Variants in ZFHX3 observed in about 807,000 individuals in gnomAD.
ZFHX3 encodes zinc finger homeobox protein 3.
In ZFHX3, 42 loss-of-function variants were observed where a neutral mutation model predicts 279.1. The ratio of observed to expected loss-of-function variants is 0.15; its 90% CI spans 0.12 to 0.19. The LOEUF (loss-of-function observed/expected upper bound fraction) is 0.19, where lower values mean the gene tolerates loss of function less well. Among genes scored for constraint, ZFHX3 ranks in the 10% least tolerant of loss-of-function variants. The pLI, the probability that ZFHX3 is intolerant of heterozygous loss-of-function variation, is 1.00. For missense variants in ZFHX3, 4,981 were observed against 4,754.0 expected (o/e 1.05, Z -1.40); for synonymous variants, 2,293 against 1,957.8 (o/e 1.17, Z -4.52).
At chr16:73,265,078 CGT>C (rs72075949) in intron 4 of ZFHX3, among the ~76,000 whole-genome samples, 36,785 of 145,654 alleles carry the variant, frequency 0.25, 5,077 homozygotes, top group Middle Eastern at 0.44. Context: ...CGCATATATG[CGT>C]GTGTGTGTGT....
chr16:73,835,281 T>C (rs1220536615), intron 1 of ZFHX3, among the ~76,000 whole-genome samples: 3 of 152,020 alleles, frequency 2.0e-5, no homozygotes, highest in Non-Finnish European at 2.9e-5. Flanking sequence ...CAGACATGTC[T>C]CTCTCTAGCT....
At chr16:73,392,875 C>T (rs1219192320) in intron 3 of ZFHX3, among the ~76,000 whole-genome samples, 1 of 152,126 alleles carries the variant, frequency 6.6e-6, no homozygotes, top group African/African-American at 2.4e-5. Flanking sequence ...CACTCTGTTG[C>T]CCAGGCTGGA....
At chr16:73,466,418 G>A (rs2143592159) in intron 2 of ZFHX3, among the ~76,000 whole-genome samples, 1 of 152,326 alleles carries the variant, frequency 6.6e-6, no homozygotes, top group Admixed American at 6.5e-5. Context: ...AGGAGATGGG[G>A]TTGCAGTAAG....
At chr16:73,094,130 C>CA (rs979632422) in intron 7 of ZFHX3, among the ~76,000 whole-genome samples, 6 of 152,212 alleles carry the variant, frequency 3.9e-5, no homozygotes, top group African/African-American at 1.4e-4. Flanking sequence ...CCCAGGTAGG[C>CA]AAATCCTCTT....
At chr16:72,913,433 T>C (rs576662607) in intron 3 of ZFHX3, among the ~76,000 whole-genome samples, 1 of 152,332 alleles carries the variant, frequency 6.6e-6, no homozygotes, top group Middle Eastern at 3.4e-3. Context: ...TGGGTTTGTC[T>C]GATGTTTTCT....
intron 5 of ZFHX3, among the ~76,000 whole-genome samples, chr16:73,217,892 A>G (rs560478253): frequency 6.6e-6 from 1 of 152,314 alleles, no homozygotes; most frequent in African/African-American, 2.4e-5. Context: ...AACCTAAAAA[A>G]AAAAAATTAA....
intron 4 of ZFHX3, among the ~76,000 whole-genome samples, chr16:73,308,268 T>C (rs1478810333): frequency 1.2e-5 from 1 of 82,068 alleles, no homozygotes; most frequent in Non-Finnish European, 2.6e-5. Flanking sequence ...TATATATATA[T>C]ATATATATAT....
chr16:73,351,269 A>G (rs1409206234), intron 3 of ZFHX3, among the ~76,000 whole-genome samples: 39 of 152,178 alleles, frequency 2.6e-4, no homozygotes, highest in Admixed American at 2.6e-3. Context: ...GTCAACCCCA[A>G]TCCGGGAGAG....
intron 1 of ZFHX3, among the ~76,000 whole-genome samples, chr16:73,720,149 G>T (rs1310587842): frequency 2.0e-5 from 3 of 152,156 alleles, no homozygotes; most frequent in African/African-American, 7.2e-5. Flanking sequence ...TAACACACTG[G>T]CAAAGTTTCA....
At chr16:73,653,388 T>G (rs1397845060) in intron 2 of ZFHX3, among the ~76,000 whole-genome samples, 1 of 152,098 alleles carries the variant, frequency 6.6e-6, no homozygotes, top group Non-Finnish European at 1.5e-5. Context: ...ATACAGAGCA[T>G]TTTCTCTGAT....
At chr16:73,019,170 G>A (rs529141912) in intron 1 of ZFHX3, among the ~76,000 whole-genome samples, 3 of 152,326 alleles carry the variant, frequency 2.0e-5, no homozygotes, top group Admixed American at 6.5e-5. Flanking sequence ...GGCAAGGACC[G>A]AGTGGCCAGT....
intron 3 of ZFHX3, among the ~76,000 whole-genome samples, chr16:73,364,576 G>A (rs2016495885): frequency 6.6e-6 from 1 of 152,250 alleles, no homozygotes; most frequent in East Asian, 1.9e-4. Flanking sequence ...ATGATCACAG[G>A]GTAGCATGGC....
intron 2 of ZFHX3, among the ~76,000 whole-genome samples, chr16:73,583,881 C>T (rs549281682): frequency 2.5e-4 from 38 of 151,670 alleles, no homozygotes; most frequent in Non-Finnish European, 3.2e-4. Flanking sequence ...GTAATATGAA[C>T]GTATACAAAA....
intron 5 of ZFHX3, among the ~76,000 whole-genome samples, chr16:73,155,008 T>C (rs1366210051): frequency 6.6e-6 from 1 of 151,824 alleles, no homozygotes; most frequent in Admixed American, 6.6e-5. Context: ...ACCCCATCTC[T>C]ACTAAAAATA....
chr16:73,629,885 TTCAACCGC>T (rs1329410898), intron 2 of ZFHX3, among the ~76,000 whole-genome samples: 1 of 152,184 alleles, frequency 6.6e-6, no homozygotes, highest in Non-Finnish European at 1.5e-5. Flanking sequence ...GATAGTCTCT[TTCAACCGC>T]ACAAGAAAGA....
intron 4 of ZFHX3, among the ~76,000 whole-genome samples, chr16:72,854,130 A>C (rs757234026): frequency 2.0e-5 from 3 of 152,198 alleles, no homozygotes; most frequent in Admixed American, 1.3e-4. Context: ...GCAATTAAGA[A>C]TTTCATGCTG....
chr16:73,172,229 G>A (rs1967546120), intron 5 of ZFHX3, among the ~76,000 whole-genome samples: 1 of 152,240 alleles, frequency 6.6e-6, no homozygotes, highest in Non-Finnish European at 1.5e-5. Flanking sequence ...GGCAGCCCCG[G>A]GGTGCAGGGG....
chr16:72,787,483 G>C lies in ZFHX3; in HGVS notation c.10793C>G (p.Pro3598Arg), dbSNP rs766590724. ...QSAAHSNDSP[P>R]PPSAAAPSSA... ...GGAGGGGGCGGCGGCCGACGGGGGA[G>C]GGGGGCTGTCGTTTGAGTGAGCGGC... Residue 3598 changes from proline (P) to arginine (R), a missense_variant, in exon 10 of 10, where the codon CCT (proline) becomes CGT (arginine). This residue lies in a region of ZFHX3 where 1,034 missense variants were observed against 786.0 expected (regional missense o/e 1.32). Transcript: ENST00000268489. 3.7e-6 allele frequency: 6 copies of C among 1,612,016 alleles called. No homozygotes were observed. Among genetic ancestry groups the C allele is most frequent in the Non-Finnish European group, 5.1e-6 (6 of 1,178,688 alleles).
At chr16:73,535,296 C>T (rs1030042140) in intron 2 of ZFHX3, among the ~76,000 whole-genome samples, 10 of 152,082 alleles carry the variant, frequency 6.6e-5, no homozygotes, top group Non-Finnish European at 1.2e-4. Flanking sequence ...GTTATTTAAT[C>T]GTAAGTTTAA....
Sources: gnomAD v4.1 joint callset for allele counts (sites outside exome capture counted in the v4.1 genomes callset) on GRCh38, gnomAD v4.1.1 for gene constraint, gnomAD v4.1.1 regional missense constraint, MANE v1.5 for transcripts, NCBI Gene and HGNC (gene_info 2026-07-23, HGNC 2026-07-21) for gene names.